Variants in RUFY4 observed in about 807,000 individuals in gnomAD.
RUFY4 encodes RUN and FYVE domain-containing protein 4.
Under a neutral mutation model 69.0 loss-of-function variants are expected in RUFY4, and 73 were observed. The observed-to-expected ratio is 1.06, with a 90% CI of 0.88 to 1.29. The LOEUF is 1.29. Ranked by LOEUF, RUFY4 falls within the 50% of genes most tolerant of loss-of-function variation. The pLI, the probability that RUFY4 is intolerant of heterozygous loss-of-function variation, is 0.00. For synonymous variants in RUFY4, 287 were observed against 271.8 expected (o/e 1.06, Z -0.55); for missense variants, 770 against 705.6 (o/e 1.09, Z -1.03).
chr2:218,040,221 T>A lies in RUFY4; in HGVS notation c.-1158+4827T>A, dbSNP rs180685870. Among the ~76,000 whole-genome samples the A allele has an allele frequency of 1.2e-4, 18 of 152,356 alleles. No homozygotes were observed. The East Asian group carries it at 3.5e-3, about 29-fold the overall frequency. On this transcript the variant is annotated intron_variant and NMD_transcript_variant, in intron 2 of 13. Transcript: ENST00000457754. ...CACCTGGGACCCCCGCTTGGTCATA[T>A]GGACCCTGGCAGTCTCTAATCACAA...
At chr2:218,049,648 A>T (rs1033214427) in intron 2 of RUFY4, among the ~76,000 whole-genome samples, 1 of 152,048 alleles carries the variant, frequency 6.6e-6, no homozygotes, top group African/African-American at 2.4e-5. Flanking sequence ...CTGGGATTAC[A>T]GGCATGCGCC....
chr2:218,037,352 T>C (rs1217123853), intron 2 of RUFY4, among the ~76,000 whole-genome samples: 1 of 151,406 alleles, frequency 6.6e-6, no homozygotes, highest in African/African-American at 2.4e-5. Flanking sequence ...TGAAAAACAA[T>C]GAGCAGGGCT....
chr2:218,042,830 C>G (rs191455055), intron 2 of RUFY4, among the ~76,000 whole-genome samples: 13 of 152,138 alleles, frequency 8.5e-5, no homozygotes, highest in African/African-American at 3.1e-4. Context: ...TGAACAGGAC[C>G]AGAATTTGAT....
intron 8 of RUFY4, among the ~76,000 whole-genome samples, chr2:218,080,636 G>A (rs1156996850): frequency 6.6e-6 from 1 of 152,184 alleles, no homozygotes; most frequent in Non-Finnish European, 1.5e-5. Flanking sequence ...AAAGAAATTA[G>A]GACAAGCATC....
upstream of RUFY4, among the ~76,000 whole-genome samples, chr2:218,067,672 C>T (rs1229506791): frequency 6.6e-6 from 1 of 152,194 alleles, no homozygotes; most frequent in African/African-American, 2.4e-5. Flanking sequence ...GAAACCAGCT[C>T]ATCTGATGCA....
chr2:218,053,998 G>A (rs936016058), intron 2 of RUFY4, among the ~76,000 whole-genome samples: 2 of 152,304 alleles, frequency 1.3e-5, no homozygotes, highest in Admixed American at 6.5e-5. Flanking sequence ...AATCTTCATC[G>A]TCTAAAGATT....
intron 2 of RUFY4, among the ~76,000 whole-genome samples, chr2:218,041,689 T>A (rs1688701477): frequency 2.0e-5 from 3 of 152,218 alleles, no homozygotes; most frequent in African/African-American, 7.2e-5. Flanking sequence ...TACTTCTGAA[T>A]GATTGAGGTA....
chr2:218,082,183 G>A (rs920678509), intron 8 of RUFY4, among the ~76,000 whole-genome samples: 2 of 152,166 alleles, frequency 1.3e-5, no homozygotes, highest in Non-Finnish European at 2.9e-5. Flanking sequence ...GAGCTGAGAC[G>A]CCACCAAGCC....
chr2:218,080,681 G>A (rs1030515998), intron 8 of RUFY4, among the ~76,000 whole-genome samples: 11 of 152,212 alleles, frequency 7.2e-5, no homozygotes, highest in African/African-American at 2.2e-4. Flanking sequence ...GAACTAGGCA[G>A]ATGTCACATG....
At chr2:218,049,998 T>C (rs371069219) in intron 2 of RUFY4, among the ~76,000 whole-genome samples, 1 of 152,328 alleles carries the variant, frequency 6.6e-6, no homozygotes, top group South Asian at 2.1e-4. Flanking sequence ...AAAACCCAGC[T>C]GCTAGTTCTA....
intron 3 of RUFY4, chr2:218,059,713 C>T (rs2106036773): frequency 6.0e-6 from 1 of 166,806 alleles, no homozygotes; most frequent in South Asian, 2.1e-4. Flanking sequence ...GCCATTCATT[C>T]ATTCATTCAT....
At chr2:218,073,177 G>A (rs948549756) in intron 4 of RUFY4, 66 bp from the exon 7 acceptor site, 30 of 1,517,118 alleles carry the variant, frequency 2.0e-5, no homozygotes, top group Middle Eastern at 1.7e-4. Context: ...TGGGGTGGGG[G>A]TGGTTGGGGC....
rs77847645 is a variant in RUFY4 at position 218,039,935 on chromosome 2, C to G, written c.-1158+4541C>G. Among the ~76,000 whole-genome samples, 4 of 152,158 alleles carry G rather than the reference C, an allele frequency of 2.6e-5. No individual in the cohort carries two copies. In the East Asian group the frequency reaches 7.7e-4, roughly 29 times the overall value. On this transcript the variant is annotated intron_variant and NMD_transcript_variant, in intron 2 of 13. Coordinates refer to the RUFY4 transcript ENST00000457754. ...AAAGATTGTGTGCCTGTTGTCCAAA[C>G]GCAGCTCAAGTGCAGTCTTCCACCT...
chr2:218,076,575 C>T, intron 8 of RUFY4, 42 bp downstream of exon 10: 1 of 1,542,890 alleles, frequency 6.5e-7, no homozygotes, highest in Non-Finnish European at 8.7e-7. Flanking sequence ...TGGAAGTGCT[C>T]CCTAGGTCCT....
intron 2 of RUFY4, among the ~76,000 whole-genome samples, chr2:218,051,601 T>C (rs1032235623): frequency 1.4e-5 from 2 of 147,378 alleles, no homozygotes; most frequent in African/African-American, 5.0e-5. Flanking sequence ...CAGAAAAGTG[T>C]AGGGCAGTAA....
intron 6 of RUFY4, among the ~76,000 whole-genome samples, chr2:218,074,303 AC>A (rs1449434092): frequency 6.6e-6 from 1 of 152,002 alleles, no homozygotes; most frequent in Non-Finnish European, 1.5e-5. Flanking sequence ...TTCCAGCCCC[AC>A]CCCTTACAAA....
exon 2 of RUFY4, chr2:218,070,758 G>T: frequency 6.5e-7 from 1 of 1,536,864 alleles, no homozygotes; most frequent in South Asian, 1.2e-5. Context: ...AGCAGCTGCC[G>T]TCTCTGCCAT....
chr2:218,043,428 C>T (rs994788958), intron 2 of RUFY4, among the ~76,000 whole-genome samples: 3 of 151,858 alleles, frequency 2.0e-5, no homozygotes, highest in Non-Finnish European at 4.4e-5. Flanking sequence ...CTGTTCTGCT[C>T]TCAGCAGAGA....
At chr2:218,070,960 C>T in intron 2 of RUFY4, 101 bp downstream of exon 4, 5 of 827,776 alleles carry the variant, frequency 6.0e-6, no homozygotes, top group Non-Finnish European at 9.3e-6. Context: ...CCCTTCCTTA[C>T]CATGCACTGT....
Sources: gnomAD v4.1 joint callset for allele counts (sites outside exome capture counted in the v4.1 genomes callset) on GRCh38, gnomAD v4.1.1 for gene constraint, MANE v1.5 for transcripts, NCBI Gene and HGNC (gene_info 2026-07-23, HGNC 2026-07-21) for gene names.